Variants in ZNF609 observed in about 807,000 individuals in gnomAD.
ZNF609 encodes the protein zinc finger protein 609.
ZNF609 carries 11 observed loss-of-function variants against 109.5 expected under a neutral mutation model. That is an observed-to-expected ratio of 0.10 (90% CI 0.06 to 0.17). ZNF609 has a LOEUF of 0.17. Among genes scored for constraint, ZNF609 ranks in the 10% least tolerant of loss-of-function variants. The pLI, the probability that ZNF609 is intolerant of heterozygous loss-of-function variation, is 1.00. For synonymous variants in ZNF609, 646 were observed against 662.0 expected (o/e 0.98, Z 0.37); for missense variants, 1,559 against 1,772.4 (o/e 0.88, Z 2.16).
intron 2 of ZNF609, among the ~76,000 whole-genome samples, chr15:64,508,643 C>T (rs888006339): frequency 2.0e-5 from 3 of 151,710 alleles, no homozygotes; most frequent in African/African-American, 7.3e-5. Flanking sequence ...GACCTCCTCC[C>T]AGTCCCTAAA....
intron 2 of ZNF609, chr15:64,529,699 C>T (rs1226452072): frequency 1.0e-5 from 7 of 691,088 alleles, no homozygotes; most frequent in South Asian, 2.8e-5. Context: ...GCTGCCAATG[C>T]GAGAGAATAT....
rs200880859 is a variant in ZNF609, at chr15:64,674,597, C to G, written c.1743C>G (p.Ser581Arg). 1 of 1,613,944 alleles carries G rather than the reference C, an allele frequency of 6.2e-7. No individual in the cohort carries two copies. The highest frequency in any genetic ancestry group is 1.3e-5 in the African/African-American group (1 of 74,842). ...LVEPHSPSPS[S>R]KFSTKGLCKK... is the part of the protein sequence containing the mutation. ...AGCCCCATAGCCCTTCTCCTTCAAG[C>G]AAATTCAGCACAAAAGGCCTCTGTA... is the stretch of plus-strand genomic sequence containing the variant. The change falls in exon 5 of 10, where the codon AGC becomes AGG. Residue 581 changes from serine (S) to arginine (R), a missense_variant. By Grantham distance (110) the Ser-to-Arg change is moderately radical (BLOSUM62 -1). This residue lies in a region of ZNF609 where 1,204 missense variants were observed against 1,314.1 expected (regional missense o/e 0.92). Transcript: ENST00000326648.
chr15:64,520,747 C>A (rs1466787111), intron 2 of ZNF609, among the ~76,000 whole-genome samples: 1 of 152,100 alleles, frequency 6.6e-6, no homozygotes, highest in African/African-American at 2.4e-5. Flanking sequence ...AAACTGACTT[C>A]CAAATGTCTC....
intron 3 of ZNF609, among the ~76,000 whole-genome samples, chr15:64,623,521 T>C (rs1423621199): frequency 6.6e-6 from 1 of 152,200 alleles, no homozygotes; most frequent in East Asian, 1.9e-4. Context: ...GCCAGTTCAC[T>C]CTTCCCACTG....
At chr15:64,578,616 C>T (rs780916208) in intron 2 of ZNF609, among the ~76,000 whole-genome samples, 9 of 152,218 alleles carry the variant, frequency 5.9e-5, no homozygotes, top group African/African-American at 2.2e-4. Context: ...TAGCTTGAAC[C>T]CGGGAGGTGG....
chr15:64,590,550 C>T (rs1895275918), intron 2 of ZNF609, among the ~76,000 whole-genome samples: 1 of 152,042 alleles, frequency 6.6e-6, no homozygotes, highest in Non-Finnish European at 1.5e-5. Flanking sequence ...AACTCCTGGC[C>T]TCAGATGATC....
chr15:64,528,339 C>T (rs971643107), intron 2 of ZNF609, among the ~76,000 whole-genome samples: 1 of 151,234 alleles, frequency 6.6e-6, no homozygotes, highest in African/African-American at 2.4e-5. Context: ...CCTCTTGATC[C>T]AGAATCCTGG....
Position 64,576,982 on chromosome 15 carries a change from G to T in ZNF609, c.748-45845G>T, listed in dbSNP as rs1231590410. Among the ~76,000 whole-genome samples, 5 of 122,458 alleles carry T rather than the reference G, an allele frequency of 4.1e-5. 1 individual carries two copies. The highest frequency in any genetic ancestry group is 9.5e-5 in the African/African-American group (3 of 31,696). 80.3% of individuals were successfully genotyped at this position (122,458 alleles called of 152,430 possible). Reference sequence around the variant, plus strand: ...TATATATACACATAAATATATATATGTATGTATACACATAAATATATATAT... The same window carrying T: ...TATATATACACATAAATATATATATTTATGTATACACATAAATATATATAT... On this transcript the variant is annotated intron_variant, in intron 2 of 9. Coordinates refer to ENST00000326648, the MANE Select transcript of ZNF609 (RefSeq NM_015042.2).
intron 3 of ZNF609, among the ~76,000 whole-genome samples, chr15:64,630,103 T>C (rs1896044082): frequency 1.3e-5 from 2 of 149,660 alleles, no homozygotes; most frequent in Admixed American, 6.6e-5. Flanking sequence ...TTTTTCTTTT[T>C]TTTTTTTTTT....
At chr15:64,593,932 C>T (rs1409813109) in intron 2 of ZNF609, among the ~76,000 whole-genome samples, 1 of 152,202 alleles carries the variant, frequency 6.6e-6, no homozygotes, top group African/African-American at 2.4e-5. Context: ...TGTTGGAACT[C>T]CTTGACTGTC....
At chr15:64,555,680 G>A (rs771285795) in intron 2 of ZNF609, among the ~76,000 whole-genome samples, 8 of 151,844 alleles carry the variant, frequency 5.3e-5, no homozygotes, top group Non-Finnish European at 1.2e-4. Flanking sequence ...TCAAGTGTTC[G>A]AGACCAGCCT....
intron 3 of ZNF609, among the ~76,000 whole-genome samples, chr15:64,641,219 C>CTGTTTTTTTTTTTTTTTT (rs1896249189): frequency 1.4e-5 from 1 of 69,738 alleles, no homozygotes; most frequent in Admixed American, 2.3e-4. Flanking sequence ...CTTGTGCTTT[C>CTGTTTTTTTTTTTTTTTT]TTTTTTTTTT....
chr15:64,579,971 T>C (rs117739555), intron 2 of ZNF609, among the ~76,000 whole-genome samples: 2,162 of 152,344 alleles, frequency 0.014, 22 homozygotes, highest in Non-Finnish European at 0.023. Context: ...AACCTGTGAA[T>C]ATGTTACCTT....
In ZNF609 at chr15:64,570,709, A is replaced by AT. The variant is rs779820105; in HGVS notation, c.748-52117dup. On this transcript the variant is annotated intron_variant, in intron 2 of 9. Transcript: ENST00000326648. ...AGTTCACTCCTATTATTTTCATGTTATGTTTTTTTGGATTAGTAAAATTAG... is the reference window on the plus strand; with the variant it reads ...AGTTCACTCCTATTATTTTCATGTTATTGTTTTTTTGGATTAGTAAAATTAG... Among the ~76,000 whole-genome samples the AT allele has an allele frequency of 5.3e-5, 8 of 151,772 alleles. No individual in the cohort carries two copies. In the East Asian group the frequency reaches 5.8e-4, roughly 11 times the overall value.
intron 4 of ZNF609, among the ~76,000 whole-genome samples, chr15:64,671,953 A>G (rs1483790516): frequency 1.4e-5 from 2 of 141,276 alleles, no homozygotes; most frequent in Non-Finnish European, 3.1e-5. Context: ...ACCGAGGGCT[A>G]TTTATGCCTC....
intron 2 of ZNF609, among the ~76,000 whole-genome samples, chr15:64,583,670 C>T (rs1261143797): frequency 2.0e-5 from 3 of 152,096 alleles, no homozygotes; most frequent in South Asian, 2.1e-4. Flanking sequence ...GTGCATGGTG[C>T]GGGTGAGTAC....
At chr15:64,680,916 C>T in intron 8 of ZNF609, 54 bp downstream of exon 8, 3 of 1,587,670 alleles carry the variant, frequency 1.9e-6, no homozygotes, top group Non-Finnish European at 2.6e-6. Flanking sequence ...TTTTGTTTAT[C>T]TTCATCCCAG....
At position 64,632,116 on chromosome 15, in the gene ZNF609, G is replaced by A. The variant is rs4777495; in HGVS notation, c.973+9064G>A. Among the ~76,000 whole-genome samples, 6,404 of 152,142 alleles carry A rather than the reference G, an allele frequency of 0.042. 986 individuals carry two copies. The East Asian group carries it at 0.59, about 14-fold the overall frequency. ...ATCACTGGCTCACATACAGTGGCAC[G>A]ATCATGGCTCACTGCAGCCTCAGCC... On this transcript the variant is annotated intron_variant, in intron 3 of 9. Transcript: ENST00000326648.
At chr15:64,676,589 C>T (rs1219519047) in intron 5 of ZNF609, among the ~76,000 whole-genome samples, 1 of 151,050 alleles carries the variant, frequency 6.6e-6, no homozygotes, top group Non-Finnish European at 1.5e-5. Context: ...CGCCACCATG[C>T]CCAGCTAATT....
Sources: allele counts gnomAD v4.1 joint callset (sites outside exome capture counted in the v4.1 genomes callset), GRCh38; gene constraint gnomAD v4.1.1; regional missense constraint gnomAD v4.1.1; transcripts MANE v1.5; gene names NCBI Gene and HGNC (gene_info 2026-07-23, HGNC 2026-07-21).